Variants in MARK3 observed in about 807,000 individuals in gnomAD.
MARK3 encodes the protein MAP/microtubule affinity-regulating kinase 3.
A neutral mutation model predicts 90.1 loss-of-function variants in MARK3; 46 were observed. The ratio of observed to expected loss-of-function variants is 0.51; its 90% CI spans 0.40 to 0.65. The LOEUF (loss-of-function observed/expected upper bound fraction) is 0.65. Ranked by LOEUF, MARK3 falls within the 30% of genes least tolerant of loss-of-function variation. The pLI is 0.00. For synonymous variants in MARK3, 321 were observed against 332.6 expected, an observed-to-expected ratio of 0.97 and a Z score of 0.38; for missense variants, 818 against 947.2, an observed-to-expected ratio of 0.86 and a Z score of 1.79.
chr14:103,450,522 C>G lies in MARK3; in HGVS notation c.347-1396C>G, dbSNP rs535829354. ...TTCCTATTGCATTAACATAGTTTTC[C>G]CAGAAGACCCAAAGTTTCGTTGGAA... On this transcript the variant is annotated intron_variant, in intron 4 of 17. Transcript: ENST00000429436. Among the ~76,000 whole-genome samples, 10 of 151,950 alleles carry G rather than the reference C, an allele frequency of 6.6e-5. 1 individual carries two copies. Among genetic ancestry groups the G allele is most frequent in the Admixed American group, 2.0e-4 (3 of 15,262 alleles).
intron 17 of MARK3, among the ~76,000 whole-genome samples, chr14:103,502,290 T>A (rs2075711385): frequency 1.3e-5 from 2 of 152,372 alleles, no homozygotes; most frequent in Admixed American, 6.5e-5. Flanking sequence ...CATTTGAGAT[T>A]TTCTTTAACT....
chr14:103,419,263 C>T (rs766315802), intron 2 of MARK3, among the ~76,000 whole-genome samples: 27 of 152,018 alleles, frequency 1.8e-4, no homozygotes, highest in Non-Finnish European at 3.1e-4. Flanking sequence ...TGTACTCCAG[C>T]CTGGGTGACA....
chr14:103,386,277 C>A, intron 1 of MARK3, 197 bp downstream of exon 1: 1 of 706,874 alleles, frequency 1.4e-6, no homozygotes. Flanking sequence ...GGCGGGTCTG[C>A]GAAGTACATC....
At chr14:103,426,421 A>G (rs1440780483) in intron 2 of MARK3, among the ~76,000 whole-genome samples, 1 of 152,176 alleles carries the variant, frequency 6.6e-6, no homozygotes, top group African/African-American at 2.4e-5. Flanking sequence ...AGAAACTCCA[A>G]GCTCATTCCC....
At chr14:103,472,014 TC>T (rs2093633755) in intron 12 of MARK3, among the ~76,000 whole-genome samples, 1 of 151,580 alleles carries the variant, frequency 6.6e-6, no homozygotes. Flanking sequence ...ATCGAGACCA[TC>T]CTGGCTAACA....
Position 103,453,595 on chromosome 14 carries a change from T to C in MARK3, c.412+1612T>C, listed in dbSNP as rs553223152. Among the ~76,000 whole-genome samples the C allele has an allele frequency of 2.6e-5, 4 of 152,316 alleles. No homozygotes were observed. In the South Asian group the frequency reaches 8.3e-4, roughly 32 times the overall value. On this transcript the variant is annotated intron_variant, in intron 5 of 17. Coordinates refer to ENST00000429436, the MANE Select transcript of MARK3 (RefSeq NM_001128918.3). ...TATTAGTTGTGTATTTTATACTTTA[T>C]ATATGTCTAGTTTGGGAATTTCATT...
intron 2 of MARK3, among the ~76,000 whole-genome samples, chr14:103,420,767 T>C (rs1365283437): frequency 6.6e-6 from 1 of 152,162 alleles, no homozygotes; most frequent in Admixed American, 6.5e-5. Flanking sequence ...GCTTTGGTAA[T>C]CCTTTTCGGA....
chr14:103,488,497 T>C (rs1233804616), intron 14 of MARK3, among the ~76,000 whole-genome samples: 1 of 152,212 alleles, frequency 6.6e-6, no homozygotes, highest in Admixed American at 6.5e-5. Context: ...GACATTTGTT[T>C]CCAGTCCTTC....
intron 2 of MARK3, among the ~76,000 whole-genome samples, chr14:103,426,090 A>G (rs561766986): frequency 3.0e-4 from 46 of 152,322 alleles, no homozygotes; most frequent in African/African-American, 1.0e-3. Flanking sequence ...TTGTGATACT[A>G]GTAAAACATT....
In MARK3 at chr14:103,474,511, C is replaced by T. The variant is rs140054497; in HGVS notation, c.1265-482C>T. ...CACCTTCCCCTGTCTACTCAAACTC[C>T]GGTTTATCTAGAAGATTATGAGTGC... On this transcript the variant is annotated intron_variant, in intron 12 of 17. Transcript: ENST00000429436. 7.2e-4 allele frequency among the ~76,000 whole-genome samples: 56 copies of T among 77,532 alleles called. 1 individual carries two copies. Among genetic ancestry groups the T allele is most frequent in the Non-Finnish European group, 9.6e-4 (38 of 39,578 alleles). 50.9% of individuals were successfully genotyped at this position (77,532 alleles called of 152,430 possible). A position where few individuals can be genotyped will look rare whatever the true frequency, so the allele number is the denominator to read the frequency against.
At chr14:103,501,280 C>T (rs1430501892) in intron 17 of MARK3, among the ~76,000 whole-genome samples, 1 of 152,202 alleles carries the variant, frequency 6.6e-6, no homozygotes, top group Non-Finnish European at 1.5e-5. Context: ...ATTCCCTCTC[C>T]AGGCCTACCC....
chr14:103,502,293 C>A (rs1296367518), intron 17 of MARK3, among the ~76,000 whole-genome samples: 1 of 152,230 alleles, frequency 6.6e-6, no homozygotes, highest in Admixed American at 6.5e-5. Context: ...TTGAGATTTT[C>A]TTTAACTGTA....
chr14:103,479,628 C>CTTTTTTTTTTTTT (rs34768749), intron 13 of MARK3, among the ~76,000 whole-genome samples: 7 of 78,252 alleles, frequency 8.9e-5, no homozygotes, highest in Admixed American at 3.8e-4. Flanking sequence ...ATACGTATAG[C>CTTTTTTTTTTTTT]TTTTTTTTTT....
intron 12 of MARK3, among the ~76,000 whole-genome samples, chr14:103,470,453 C>CTTTTTTTTTTTT (rs1555396272): frequency 4.6e-4 from 11 of 24,174 alleles, no homozygotes; most frequent in Non-Finnish European, 5.8e-4. Flanking sequence ...GGAACTAAAT[C>CTTTTTTTTTTTT]TATTTTTTTT....
intron 2 of MARK3, among the ~76,000 whole-genome samples, chr14:103,409,205 A>T (rs766355852): frequency 7.0e-5 from 10 of 142,668 alleles, no homozygotes; most frequent in Middle Eastern, 3.2e-3. Context: ...CAGTTTTTTT[A>T]AAACTTTGAA....
intron 14 of MARK3, among the ~76,000 whole-genome samples, chr14:103,485,278 A>T (rs1403429424): frequency 3.2e-5 from 4 of 123,990 alleles, no homozygotes; most frequent in South Asian, 2.6e-4. Context: ...TTTTTTTTTA[A>T]GATGGATGGA....
chr14:103,487,591 C>T (rs1354755506), intron 14 of MARK3, among the ~76,000 whole-genome samples: 2 of 152,064 alleles, frequency 1.3e-5, no homozygotes, highest in Non-Finnish European at 2.9e-5. Flanking sequence ...CAAACAACTC[C>T]TGCATCTTCT....
intron 2 of MARK3, among the ~76,000 whole-genome samples, chr14:103,410,863 T>C (rs997880197): frequency 6.6e-6 from 1 of 152,246 alleles, no homozygotes. Flanking sequence ...TAACTGTTTA[T>C]GATGTCTTTC....
At position 103,467,084 on chromosome 14, in the gene MARK3, A is replaced by G. The variant is rs376654076; in HGVS notation, c.1003A>G (p.Met335Val). Residue 335 changes from methionine to valine, a missense_variant, in exon 11 of 18, where the codon ATG (methionine) becomes GTG (valine). By Grantham distance (21) the Met-to-Val change is conservative (BLOSUM62 1). This residue lies in a region of MARK3 where 560 missense variants were observed against 613.5 expected (regional missense o/e 0.91). Transcript: ENST00000429436. ...DISDQKRIDI[M>V]VGMGYSQEEI... ...GTATTATGCCCTTCTTTTAGATATT[A>G]TGGTGGGAATGGGATATTCACAAGA... is the stretch of plus-strand genomic sequence containing the variant. The G allele has an allele frequency of 5.2e-5, 76 of 1,450,864 alleles. 1 individual carries two copies. The highest frequency in any genetic ancestry group is 2.1e-4 in the Admixed American group (12 of 57,814). The allele number at this position is 1,450,864 out of a possible 1,614,324, so 89.9% of individuals were successfully genotyped here. A position where few individuals can be genotyped will look rare whatever the true frequency, so the allele number is the denominator to read the frequency against.
Sources: gnomAD v4.1 joint callset for allele counts (sites outside exome capture counted in the v4.1 genomes callset) on GRCh38, gnomAD v4.1.1 for gene constraint, gnomAD v4.1.1 regional missense constraint, MANE v1.5 for transcripts, NCBI Gene and HGNC (gene_info 2026-07-23, HGNC 2026-07-21) for gene names.